The following CPLANE2 variants were observed in gnomAD, a reference collection of about 807,000 sequenced individuals.
CPLANE2 encodes the protein ciliogenesis and planar polarity effector complex subunit 2.
Under a neutral mutation model 20.9 loss-of-function variants are expected in CPLANE2, and 24 were observed. The ratio of observed to expected loss-of-function variants is 1.15; its 90% CI spans 0.83 to 1.61. The LOEUF is 1.61. Among genes scored for constraint, CPLANE2 ranks in the 40% most tolerant of loss-of-function variants. CPLANE2 has a pLI of 0.00. For missense variants in CPLANE2, 330 were observed against 355.1 expected, an observed-to-expected ratio of 0.93 and a Z score of 0.57; for synonymous variants, 132 against 144.3, an observed-to-expected ratio of 0.92 and a Z score of 0.61.
In CPLANE2 at chr1:16,232,198, C is replaced by T; in HGVS notation, c.627G>A (p.Gly209=). 1 of 1,612,802 alleles carries T rather than the reference C, an allele frequency of 6.2e-7. No individual in the cohort carries two copies. Among genetic ancestry groups the T allele is most frequent in the Non-Finnish European group, 8.5e-7 (1 of 1,179,864 alleles). The change falls in exon 5 of 5, where the codon GGG becomes GGA. Residue 209 remains glycine, a synonymous_variant. Transcript: ENST00000375599. ...LPLLRVKSVP[G]RRLADGRTLD... ...GTGTGCGCCCATCAGCCAGCCGCCG[C>T]CCCGGCACACTCTTCACCCGTAGCA...
At chr1:16,233,799 G>A (rs1221601838) in intron 1 of CPLANE2, 35 bp from the exon 2 acceptor site, 2 of 1,612,812 alleles carry the variant, frequency 1.2e-6, no homozygotes, top group Admixed American at 1.7e-5. Flanking sequence ...GGGTCAAGGG[G>A]TGCTGTGGTT....
In CPLANE2 at chr1:16,232,500, C is replaced by A. The variant is rs1489987858; in HGVS notation, c.527+10G>T. 6.2e-7 allele frequency: 1 copy of A among 1,612,880 alleles called. No homozygotes were observed. Among genetic ancestry groups the A allele is most frequent in the Non-Finnish European group, 8.5e-7 (1 of 1,179,474 alleles). ...GGCTCCGTGACTTGCCAAGGATATCCAAAGGATACTTGGAGCCGATGACCA... is the reference window on the plus strand; with the variant it reads ...GGCTCCGTGACTTGCCAAGGATATCAAAAGGATACTTGGAGCCGATGACCA... On this transcript the variant is annotated intron_variant, in intron 4 of 4. Coordinates refer to ENST00000375599, the MANE Select transcript of CPLANE2 (RefSeq NM_030907.4).
chr1:16,235,929 C>A (rs886770366), intron 1 of CPLANE2, among the ~76,000 whole-genome samples: 1 of 152,184 alleles, frequency 6.6e-6, no homozygotes, highest in Non-Finnish European at 1.5e-5. Context: ...GATTTGCCCA[C>A]CTCGGCCTCC....
intron 1 of CPLANE2, 81 bp downstream of exon 1, chr1:16,236,550 T>G: frequency 1.8e-6 from 2 of 1,111,552 alleles, no homozygotes; most frequent in Non-Finnish European, 2.7e-6. Context: ...GCCTCTCTGC[T>G]CTCCTCAGGG....
Position 16,231,868 on chromosome 1 carries a change from TC to T in CPLANE2, c.*179del, listed in dbSNP as rs1208899705. The T allele has an allele frequency of 1.1e-6, 1 of 881,280 alleles. No individual in the cohort carries two copies. Among genetic ancestry groups the T allele is most frequent in the African/African-American group, 1.7e-5 (1 of 59,274 alleles). 54.6% of individuals were successfully genotyped at this position (881,280 alleles called of 1,614,324 possible). ...CGAGCTCAGGGCCTTGGTCCCCACC[TC>T]CCTGCCATGAATTCTGCAAGGAAAG... On this transcript the variant is annotated 3_prime_UTR_variant, in exon 5 of 5. Transcript: ENST00000375599.
rs2081470320 is a variant in CPLANE2, at chr1:16,236,936, T to C, written c.-194A>G. The stretch of plus-strand genomic sequence containing the variant: ...TCCCTGGGGATAGTCATCCCATTAC[T>C]GCCCATGGAGGGTATTCACACAGCC... On this transcript the variant is annotated 5_prime_UTR_variant, in exon 1 of 5. Transcript: ENST00000375599. The C allele has an allele frequency of 1.0e-5, 6 of 596,270 alleles. No individual in the cohort carries two copies. The highest frequency in any genetic ancestry group is 3.8e-5 in the South Asian group (2 of 53,106). 36.9% of individuals were successfully genotyped at this position (596,270 alleles called of 1,614,324 possible).
chr1:16,236,758 C>G lies in CPLANE2; in HGVS notation c.-16G>C. 1 of 1,534,530 alleles carries G rather than the reference C, an allele frequency of 6.5e-7. No homozygotes were observed. The highest frequency in any genetic ancestry group is 8.8e-7 in the Non-Finnish European group (1 of 1,132,028). ...GTCTGGCCATGGCTGGGCACCGCGA[C>G]GGGGTAGGGAGGTGACAGAATGCTG... On this transcript the variant is annotated 5_prime_UTR_variant, in exon 1 of 5. Transcript: ENST00000375599.
At position 16,232,408 on chromosome 1, in the gene CPLANE2, T is replaced by A. The variant is rs150402283; in HGVS notation, c.527+102A>T. The A allele has an allele frequency of 8.9e-4, 1,373 of 1,546,916 alleles. 10 individuals carry two copies. In the African/African-American group the frequency reaches 0.017, roughly 19 times the overall value. The stretch of plus-strand genomic sequence containing the variant: ...CCCAGGAGCTGGGGTAGCCATGCTG[T>A]ACCCTTTAAGTAAAAGCCCAGGTGC... On this transcript the variant is annotated intron_variant, in intron 4 of 4. Coordinates refer to ENST00000375599, the MANE Select transcript of CPLANE2 (RefSeq NM_030907.4).
At chr1:16,233,399 C>T (rs2081439938) in intron 2 of CPLANE2, among the ~76,000 whole-genome samples, 1 of 152,196 alleles carries the variant, frequency 6.6e-6, no homozygotes, top group African/African-American at 2.4e-5. Context: ...TAGCTTGATG[C>T]TAGGCATGTT....
chr1:16,236,812 G>A lies in CPLANE2; in HGVS notation c.-70C>T. ...GCAGGGAGTGGGAAGGGGAGTGACA[G>A]TACCAAGCCGGGCCTGTGATCCCTC... On this transcript the variant is annotated 5_prime_UTR_variant, in exon 1 of 5. Transcript: ENST00000375599. 1.7e-6 allele frequency: 2 copies of A among 1,191,246 alleles called. No individual in the cohort carries two copies. Among genetic ancestry groups the A allele is most frequent in the East Asian group, 2.6e-5 (1 of 39,138 alleles). The allele number at this position is 1,191,246 out of a possible 1,614,324, so 73.8% of individuals were successfully genotyped here.
chr1:16,236,890 C>T lies in CPLANE2; in HGVS notation c.-148G>A. 1 of 641,558 alleles carries T rather than the reference C, an allele frequency of 1.6e-6. No individual in the cohort carries two copies. Among genetic ancestry groups the T allele is most frequent in the Non-Finnish European group, 2.8e-6 (1 of 351,716 alleles). The allele number at this position is 641,558 out of a possible 1,614,324, so 39.7% of individuals were successfully genotyped here. Reference sequence around the variant, plus strand: ...GCCCCAGAAAGTGCAGTCCCTCAGCCGCCTCTCTCCTTCGCAATGCTCCCT... The same window carrying T: ...GCCCCAGAAAGTGCAGTCCCTCAGCTGCCTCTCTCCTTCGCAATGCTCCCT... On this transcript the variant is annotated 5_prime_UTR_variant, in exon 1 of 5. Transcript: ENST00000375599.
At position 16,232,614 on chromosome 1, in the gene CPLANE2, G is replaced by A. The variant is rs369510689; in HGVS notation, c.423C>T (p.Phe141=). 3 of 1,614,024 alleles carry A rather than the reference G, an allele frequency of 1.9e-6. No individual in the cohort carries two copies. Among genetic ancestry groups the A allele is most frequent in the Non-Finnish European group, 1.7e-6 (2 of 1,180,038 alleles). ...AGGCACGGTCAGTGAAGGAGAAGAG[G>A]AAGAGGAAGGCATCTGTGTTCTCCA... ...ACMENTDAFL[F]LFSFTDRASF... Residue 141 remains phenylalanine, a synonymous_variant, in exon 4 of 5, where the codon TTC becomes TTT. Coordinates refer to ENST00000375599, the MANE Select transcript of CPLANE2 (RefSeq NM_030907.4).
chr1:16,232,179 G>T lies in CPLANE2; in HGVS notation c.646C>A (p.Arg216Ser), dbSNP rs760429966. The change falls in exon 5 of 5, where the codon CGC becomes AGC. Residue 216 changes from arginine to serine, a missense_variant. Arg to Ser is a moderately radical substitution (Grantham distance 110, BLOSUM62 -1). Coordinates refer to ENST00000375599, the MANE Select transcript of CPLANE2 (RefSeq NM_030907.4). ...SVPGRRLADG[R>S]TLDGRAGLAD... ...AGCCCAGCCCGCCCGTCCAGTGTGC[G>T]CCCATCAGCCAGCCGCCGCCCCGGC... is the stretch of plus-strand genomic sequence containing the variant. The T allele has an allele frequency of 8.4e-5, 135 of 1,612,910 alleles. 2 individuals carry two copies. The South Asian group carries it at 1.1e-3, about 13-fold the overall frequency.
rs1296437896 is a variant in CPLANE2, at chr1:16,231,727, C to T, written c.*321G>A. 4.5e-6 allele frequency: 2 copies of T among 444,020 alleles called. No individual in the cohort carries two copies. Among genetic ancestry groups the T allele is most frequent in the African/African-American group, 2.0e-5 (1 of 50,858 alleles). 27.5% of individuals were successfully genotyped at this position (444,020 alleles called of 1,614,324 possible). A position where few individuals can be genotyped will look rare whatever the true frequency, so the allele number is the denominator to read the frequency against. ...GGATTTCGGGGTTTATCTGTTACAACAGATGGTGTCACCTCAACCAATACA... is the reference window on the plus strand; with the variant it reads ...GGATTTCGGGGTTTATCTGTTACAATAGATGGTGTCACCTCAACCAATACA... On this transcript the variant is annotated 3_prime_UTR_variant, in exon 5 of 5. Transcript: ENST00000375599.
chr1:16,231,783 C>A lies in CPLANE2; in HGVS notation c.*265G>T. The A allele has an allele frequency of 3.6e-6, 2 of 557,308 alleles. No homozygotes were observed. Among genetic ancestry groups the A allele is most frequent in the East Asian group, 2.9e-5 (1 of 34,382 alleles). 34.5% of individuals were successfully genotyped at this position (557,308 alleles called of 1,614,324 possible). A position where few individuals can be genotyped will look rare whatever the true frequency, so the allele number is the denominator to read the frequency against. On this transcript the variant is annotated 3_prime_UTR_variant, in exon 5 of 5. Coordinates refer to ENST00000375599, the MANE Select transcript of CPLANE2 (RefSeq NM_030907.4). The stretch of plus-strand genomic sequence containing the variant: ...TTGATTGAAGTAACTTGAGAGGCAC[C>A]CCCTCTCCCAGTCATCCTCCATCGG...
At chr1:16,236,511 A>G in intron 1 of CPLANE2, 120 bp downstream of exon 1, 1 of 744,774 alleles carries the variant, frequency 1.3e-6, no homozygotes, top group South Asian at 1.7e-5. Context: ...ACTGCTGAAG[A>G]CTGCAGTGGA....
chr1:16,235,490 C>A (rs757898428), intron 1 of CPLANE2, among the ~76,000 whole-genome samples: 8 of 152,196 alleles, frequency 5.3e-5, no homozygotes, highest in Non-Finnish European at 8.8e-5. Flanking sequence ...TCCCCAGTAA[C>A]TCTATGGGGT....
intron 1 of CPLANE2, among the ~76,000 whole-genome samples, chr1:16,234,996 T>C (rs533912699): frequency 1.3e-5 from 2 of 152,346 alleles, no homozygotes; most frequent in African/African-American, 4.8e-5. Context: ...AGTGCTGGGA[T>C]TACAGGCGTG....
Position 16,236,769 on chromosome 1 carries a change from G to A in CPLANE2, c.-27C>T, listed in dbSNP as rs1400698310. ...GCTGGGCACCGCGACGGGGTAGGGAGGTGACAGAATGCTGAGAGCAGGGAG... is the reference window on the plus strand; with the variant it reads ...GCTGGGCACCGCGACGGGGTAGGGAAGTGACAGAATGCTGAGAGCAGGGAG... On this transcript the variant is annotated 5_prime_UTR_variant, in exon 1 of 5. Coordinates refer to ENST00000375599, the MANE Select transcript of CPLANE2 (RefSeq NM_030907.4). 2 of 1,500,126 alleles carry A rather than the reference G, an allele frequency of 1.3e-6. No individual in the cohort carries two copies. Among genetic ancestry groups the A allele is most frequent in the African/African-American group, 2.8e-5 (2 of 72,216 alleles). 92.9% of individuals were successfully genotyped at this position (1,500,126 alleles called of 1,614,324 possible).
Sources: gnomAD v4.1 joint callset for allele counts (sites outside exome capture counted in the v4.1 genomes callset) on GRCh38, gnomAD v4.1.1 for gene constraint, MANE v1.5 for transcripts, NCBI Gene and HGNC (gene_info 2026-07-23, HGNC 2026-07-21) for gene names.